Variants in FAM222B observed in about 807,000 individuals in gnomAD.
The protein encoded by FAM222B is protein FAM222B.
Under a neutral mutation model 38.0 loss-of-function variants are expected in FAM222B, and 12 were observed. The ratio of observed to expected loss-of-function variants is 0.32; its 90% confidence interval spans 0.20 to 0.51. FAM222B has a LOEUF of 0.51. Ranked by LOEUF, FAM222B falls within the 20% of genes least tolerant of loss-of-function variation. The pLI is 0.97. For synonymous variants in FAM222B, 329 were observed against 317.2 expected (o/e 1.04, Z -0.40); for missense variants, 716 against 754.2 (o/e 0.95, Z 0.59).
chr17:28,854,604 A>C (rs1315960034), intron 1 of FAM222B, among the ~76,000 whole-genome samples: 1 of 152,184 alleles, frequency 6.6e-6, no homozygotes, highest in East Asian at 1.9e-4. Flanking sequence ...TGCAGGCCAA[A>C]GGATGGAAAG....
chr17:28,778,695 G>GTATA (rs1567818736), intron 1 of FAM222B, among the ~76,000 whole-genome samples: 22 of 88,158 alleles, frequency 2.5e-4, no homozygotes, highest in South Asian at 2.3e-3. Context: ...GTGTGTGTGT[G>GTATA]TGTATATATA....
intron 1 of FAM222B, among the ~76,000 whole-genome samples, chr17:28,770,575 T>A (rs894602000): frequency 6.6e-6 from 1 of 150,806 alleles, no homozygotes; most frequent in Non-Finnish European, 1.5e-5. Context: ...GCTAATATTT[T>A]TTTTTTTTTT....
intron 1 of FAM222B, among the ~76,000 whole-genome samples, chr17:28,811,263 AC>A (rs754371391): frequency 6.6e-6 from 1 of 152,032 alleles, no homozygotes; most frequent in Non-Finnish European, 1.5e-5. Context: ...ACACGGTGAA[AC>A]CCGGTCACTA....
chr17:28,759,014 G>A lies in FAM222B; in HGVS notation c.945C>T (p.Val315=), dbSNP rs1437294706. ...CCACACATGAAGGCATTGGTGTGGG[G>A]ACGCTGTGGGTCGACACCCGGGTGC... is the stretch of plus-strand genomic sequence containing the variant. ...NASTRVSTHS[V]PTPMPSCVVN... Residue 315 remains valine, a synonymous_variant, in exon 3 of 3, where the codon GTC becomes GTT. Coordinates refer to ENST00000581407, the MANE Select transcript of FAM222B (RefSeq NM_001077498.3). The surrounding 1 kb of genome is among the most constrained non-coding windows in gnomAD (Gnocchi z 4.8). The A allele has an allele frequency of 1.2e-6, 2 of 1,612,988 alleles. No homozygotes were observed. Among genetic ancestry groups the A allele is most frequent in the African/African-American group, 2.7e-5 (2 of 74,930 alleles).
chr17:28,770,954 GTGTGTGTGTATAAATA>G (rs936551100), intron 1 of FAM222B, among the ~76,000 whole-genome samples: 19 of 149,576 alleles, frequency 1.3e-4, no homozygotes, highest in African/African-American at 2.5e-4. Flanking sequence ...ATATATATAT[GTGTGTGTGTATAAATA>G]TGTGTGTGTA....
At position 28,757,495 on chromosome 17, in the gene FAM222B, G is replaced by A. The variant is rs1452032730; in HGVS notation, c.*775C>T. On this transcript the variant is annotated 3_prime_UTR_variant, in exon 3 of 3. Transcript: ENST00000581407. ...AGGGGGAAAGGATAGGGGCTGTGGGGAGGTGAGTTAGGGGACAGGCAACAG... is the reference window on the plus strand; with the variant it reads ...AGGGGGAAAGGATAGGGGCTGTGGGAAGGTGAGTTAGGGGACAGGCAACAG... 2 of 152,040 alleles carry A rather than the reference G, an allele frequency of 1.3e-5. No individual in the cohort carries two copies. Among genetic ancestry groups the A allele is most frequent in the Non-Finnish European group, 2.9e-5 (2 of 68,024 alleles). The allele number at this position is 152,040 out of a possible 1,614,324, so 9.4% of individuals were successfully genotyped here. A position where few individuals can be genotyped will look rare whatever the true frequency, so the allele number is the denominator to read the frequency against.
intron 1 of FAM222B, among the ~76,000 whole-genome samples, chr17:28,804,554 T>G (rs1377419795): frequency 1.3e-5 from 2 of 151,902 alleles, no homozygotes; most frequent in Non-Finnish European, 2.9e-5. Flanking sequence ...CAGGATGGCC[T>G]TGATCTCTTG....
intron 1 of FAM222B, chr17:28,854,896 TC>T (rs1485109857): frequency 5.6e-6 from 5 of 898,982 alleles, no homozygotes; most frequent in African/African-American, 1.7e-5. Flanking sequence ...CCAGAGCAAT[TC>T]CTCCTCCCGC....
intron 1 of FAM222B, among the ~76,000 whole-genome samples, chr17:28,837,949 G>C (rs558007618): frequency 6.6e-6 from 1 of 152,146 alleles, no homozygotes; most frequent in Admixed American, 6.5e-5. Context: ...CAACATGTCC[G>C]ACCAATAATT....
rs187656355 is a variant in FAM222B at position 28,804,396 on chromosome 17, G to A, written c.-40-37689C>T. 3.2e-4 allele frequency among the ~76,000 whole-genome samples: 48 copies of A among 151,924 alleles called. 1 individual carries two copies. The highest frequency in any genetic ancestry group is 1.1e-3 in the African/African-American group (47 of 41,404). ...TGTCGCCAGCCTAGAGCGCAGTGGC[G>A]CGATCTCGGCTCACCGCAACCTCCA... On this transcript the variant is annotated intron_variant, in intron 1 of 2. Coordinates refer to ENST00000581407, the MANE Select transcript of FAM222B (RefSeq NM_001077498.3).
intron 2 of FAM222B, among the ~76,000 whole-genome samples, chr17:28,763,212 C>G (rs188701685): frequency 6.6e-6 from 1 of 152,308 alleles, no homozygotes; most frequent in East Asian, 1.9e-4. Flanking sequence ...GCCTGTCATT[C>G]CTCAATTATC....
In FAM222B at chr17:28,778,923, G is replaced by A. The variant is rs547549056; in HGVS notation, c.-40-12216C>T. ...TTCAAAGCTCTATCAGGACTGGATC[G>A]CTGTAACTTGAGCTGAACTACCTTA... On this transcript the variant is annotated intron_variant, in intron 1 of 2. Transcript: ENST00000581407. Among the ~76,000 whole-genome samples, 26 of 150,956 alleles carry A rather than the reference G, an allele frequency of 1.7e-4. No homozygotes were observed. The South Asian group carries it at 2.7e-3, about 16-fold the overall frequency.
At chr17:28,814,135 GTGCCACTGCACTCCAGCC>G (rs780019822) in intron 1 of FAM222B, among the ~76,000 whole-genome samples, 20 of 150,956 alleles carry the variant, frequency 1.3e-4, no homozygotes, top group Non-Finnish European at 2.4e-4. Context: ...AGCAGAGACC[GTGCCACTGCACTCCAGCC>G]TGAGTGAGAG....
intron 1 of FAM222B, among the ~76,000 whole-genome samples, chr17:28,822,579 T>C (rs950910883): frequency 1.0e-4 from 15 of 149,752 alleles, no homozygotes; most frequent in African/African-American, 3.4e-4. Flanking sequence ...AGAGCCGAGA[T>C]TGCACCATTG....
intron 1 of FAM222B, among the ~76,000 whole-genome samples, chr17:28,795,179 GTCC>G (rs1385248122): frequency 6.6e-6 from 1 of 151,812 alleles, no homozygotes; most frequent in African/African-American, 2.4e-5. Flanking sequence ...TTTTGAGACA[GTCC>G]TCCTCTGTTA....
chr17:28,835,024 T>TGTGTGTGTGTGTG (rs2038792448), intron 1 of FAM222B, among the ~76,000 whole-genome samples: 3 of 132,112 alleles, frequency 2.3e-5, no homozygotes, highest in East Asian at 2.3e-4. Flanking sequence ...TCAGCTAATT[T>TGTGTGTGTGTGTG]TGTGTGTGTG....
chr17:28,820,724 C>T (rs1598015327), intron 1 of FAM222B, among the ~76,000 whole-genome samples: 1 of 151,868 alleles, frequency 6.6e-6, no homozygotes, highest in African/African-American at 2.4e-5. Context: ...ACCTCTGCCT[C>T]CTGGGTTCAA....
In FAM222B at chr17:28,758,894, G is replaced by A. The variant is rs1398780820; in HGVS notation, c.1065C>T (p.Gly355=). The A allele has an allele frequency of 6.2e-7, 1 of 1,609,192 alleles. No individual in the cohort carries two copies. The highest frequency in any genetic ancestry group is 8.5e-7 in the Non-Finnish European group (1 of 1,178,296). The stretch of plus-strand genomic sequence containing the variant: ...TGACTGGCTTGAGGTCGCTAGGGTA[G>A]CCAGTGGGGACGCGAGAGATGCCTG... ...LPTGISRVPT[G]YPSDLKPVTW... Residue 355 remains glycine (G), a synonymous_variant, in exon 3 of 3, where the codon GGC becomes GGT. Transcript: ENST00000581407.
chr17:28,774,005 A>G (rs1422879379), intron 1 of FAM222B, among the ~76,000 whole-genome samples: 1 of 152,198 alleles, frequency 6.6e-6, no homozygotes, highest in Non-Finnish European at 1.5e-5. Context: ...TCTCCCCACA[A>G]CATATTCTAG....
Sources: allele counts gnomAD v4.1 joint callset (sites outside exome capture counted in the v4.1 genomes callset), GRCh38; gene constraint gnomAD v4.1.1; non-coding constraint Gnocchi (gnomAD v3.1); transcripts MANE v1.5; gene names NCBI Gene and HGNC (gene_info 2026-07-23, HGNC 2026-07-21).